CPNE4: variants seen among roughly 807,000 people sequenced by gnomAD.
The protein encoded by CPNE4 is copine-4.
Under a neutral mutation model 67.9 loss-of-function variants are expected in CPNE4, and 25 were observed. The ratio of observed to expected loss-of-function variants is 0.37; its 90% CI spans 0.27 to 0.51. The LOEUF is 0.51. Ranked by LOEUF, CPNE4 falls within the 20% of genes least tolerant of loss-of-function variation. CPNE4 has a pLI of 0.93. For missense variants in CPNE4, 464 were observed against 690.8 expected (o/e 0.67, Z 3.68); for synonymous variants, 242 against 244.9 (o/e 0.99, Z 0.11).
At chr3:132,001,334 T>C (rs2073425063) in intron 1 of CPNE4, among the ~76,000 whole-genome samples, 1 of 151,932 alleles carries the variant, frequency 6.6e-6, no homozygotes, top group South Asian at 2.1e-4. Context: ...GGGCAAAGAA[T>C]AACTCTTACC....
chr3:131,864,535 G>A (rs922767193), intron 2 of CPNE4, among the ~76,000 whole-genome samples: 4 of 151,860 alleles, frequency 2.6e-5, no homozygotes, highest in Non-Finnish European at 5.9e-5. Flanking sequence ...AAGAATGCTT[G>A]TGAATTTTGC....
chr3:131,611,603 T>G (rs1183711303), intron 7 of CPNE4, among the ~76,000 whole-genome samples: 1 of 152,086 alleles, frequency 6.6e-6, no homozygotes, highest in Non-Finnish European at 1.5e-5. Context: ...CCTTAACCGA[T>G]GTCCTTTGTG....
intron 1 of CPNE4, among the ~76,000 whole-genome samples, chr3:131,944,531 T>C (rs6771332): frequency 0.25 from 37,966 of 151,704 alleles, 5,192 homozygotes; most frequent in African/African-American, 0.37. Context: ...TGAGGGCTCT[T>C]CTCAGGCCCT....
At chr3:131,930,429 T>C (rs1209945675) in intron 1 of CPNE4, among the ~76,000 whole-genome samples, 3 of 146,326 alleles carry the variant, frequency 2.1e-5, no homozygotes, top group Non-Finnish European at 3.0e-5. Flanking sequence ...TCCAATCTTC[T>C]AGTTGGATTT....
chr3:131,992,630 T>C lies in CPNE4; in HGVS notation c.-2+41937A>G, dbSNP rs374798066. Reference sequence around the variant, plus strand: ...ATGGGGGACTGTTGGAAAGGCATGATTGTGTTTTGAAATGTGAGGACATAA... The same window carrying C: ...ATGGGGGACTGTTGGAAAGGCATGACTGTGTTTTGAAATGTGAGGACATAA... On this transcript the variant is annotated intron_variant, in intron 1 of 15. Transcript: ENST00000429747. Among the ~76,000 whole-genome samples, 8 of 135,784 alleles carry C rather than the reference T, an allele frequency of 5.9e-5. 2 individuals carry two copies. The East Asian group carries it at 1.7e-3, about 28-fold the overall frequency. 89.1% of individuals were successfully genotyped at this position (135,784 alleles called of 152,430 possible).
At chr3:131,904,245 T>C (rs1020405274) in intron 2 of CPNE4, among the ~76,000 whole-genome samples, 2 of 152,118 alleles carry the variant, frequency 1.3e-5, no homozygotes, top group African/African-American at 4.8e-5. Flanking sequence ...ATGCTGGCCT[T>C]ATGAGCTTGT....
chr3:131,958,026 G>A (rs956990959), intron 1 of CPNE4, among the ~76,000 whole-genome samples: 4 of 152,194 alleles, frequency 2.6e-5, no homozygotes, highest in Non-Finnish European at 5.9e-5. Context: ...ACCTGTGTGG[G>A]ACAGGCAAAT....
At chr3:131,709,510 A>G (rs554521420) in intron 3 of CPNE4, among the ~76,000 whole-genome samples, 1 of 152,224 alleles carries the variant, frequency 6.6e-6, no homozygotes, top group Non-Finnish European at 1.5e-5. Context: ...GTTTCTCAGC[A>G]ATCAGCCATT....
At chr3:132,011,761 T>C (rs12107035) in intron 1 of CPNE4, among the ~76,000 whole-genome samples, 98,853 of 152,048 alleles carry the variant, frequency 0.65, 32,986 homozygotes, top group Middle Eastern at 0.74. Context: ...CAATTTCAAT[T>C]GGGATTAGAA....
intron 2 of CPNE4, among the ~76,000 whole-genome samples, chr3:131,867,875 T>C (rs1421819910): frequency 3.3e-5 from 5 of 152,182 alleles, no homozygotes; most frequent in Non-Finnish European, 1.5e-5. Context: ...TAATGAATGA[T>C]GTGTTTTCCT....
rs180893193 is a variant in CPNE4, at chr3:131,741,647, C to A, written c.181-18022G>T. 1.3e-3 allele frequency among the ~76,000 whole-genome samples: 199 copies of A among 152,214 alleles called. 2 individuals carry two copies. The Middle Eastern group carries it at 0.041, about 31-fold the overall frequency. On this transcript the variant is annotated intron_variant, in intron 2 of 15. Coordinates refer to ENST00000429747, the MANE Select transcript of CPNE4 (RefSeq NM_130808.3). ...ACCTTGACACAGCAAAGAGTTGGTA[C>A]TTTAATTATAATTATAATACTAGAG...
At chr3:131,815,535 C>G (rs4854839) in intron 2 of CPNE4, among the ~76,000 whole-genome samples, 145,387 of 152,286 alleles carry the variant, frequency 0.95, 69,418 homozygotes, top group East Asian at 1. Flanking sequence ...TTTACAAGGA[C>G]CCTGCCATCT....
chr3:131,723,746 T>C (rs2107747192), intron 2 of CPNE4, 121 bp from the exon 3 acceptor site: 1 of 848,066 alleles, frequency 1.2e-6, no homozygotes, highest in Non-Finnish European at 1.8e-6. Flanking sequence ...AGCAAGTCAT[T>C]GGGTGGGCAG....
chr3:131,925,100 T>G (rs1271966268), intron 1 of CPNE4, among the ~76,000 whole-genome samples: 2 of 152,156 alleles, frequency 1.3e-5, no homozygotes, highest in African/African-American at 4.8e-5. Context: ...CCTCTCGTCA[T>G]TTTGAGATTG....
chr3:131,982,689 T>G (rs2072937467), intron 1 of CPNE4, among the ~76,000 whole-genome samples: 1 of 152,204 alleles, frequency 6.6e-6, no homozygotes, highest in Admixed American at 6.5e-5. Context: ...AAGTACATAT[T>G]GATTTTTTTA....
intron 2 of CPNE4, among the ~76,000 whole-genome samples, chr3:131,824,817 A>T (rs1431081190): frequency 6.6e-6 from 1 of 152,050 alleles, no homozygotes; most frequent in Non-Finnish European, 1.5e-5. Flanking sequence ...GTACCTTTGG[A>T]TGGAGGCTTG....
chr3:131,877,852 A>G (rs1313850258), intron 2 of CPNE4, among the ~76,000 whole-genome samples: 2 of 152,218 alleles, frequency 1.3e-5, no homozygotes, highest in African/African-American at 2.4e-5. Flanking sequence ...ACAAAATAGG[A>G]CACCCATATA....
intron 1 of CPNE4, among the ~76,000 whole-genome samples, chr3:131,913,761 A>C (rs539814456): frequency 6.6e-6 from 1 of 152,324 alleles, no homozygotes; most frequent in African/African-American, 2.4e-5. Context: ...ACTCACATGG[A>C]TTCACTACCA....
chr3:131,871,089 G>A (rs990595944), intron 2 of CPNE4, among the ~76,000 whole-genome samples: 4 of 152,172 alleles, frequency 2.6e-5, no homozygotes, highest in Middle Eastern at 3.4e-3. Flanking sequence ...AGATATGAAG[G>A]AATGAATGAA....
Sources: allele counts gnomAD v4.1 joint callset (sites outside exome capture counted in the v4.1 genomes callset), GRCh38; gene constraint gnomAD v4.1.1; transcripts MANE v1.5; gene names NCBI Gene and HGNC (gene_info 2026-07-23, HGNC 2026-07-21).